The following ME3 variants were observed in gnomAD, a reference collection of about 807,000 sequenced individuals.
The protein encoded by ME3 is NADP-dependent malic enzyme, mitochondrial.
A neutral mutation model predicts 68.9 loss-of-function variants in ME3; 48 were observed. That is an observed-to-expected ratio of 0.70 (90% CI 0.55 to 0.89). ME3 has a LOEUF of 0.89. Among genes scored for constraint, ME3 ranks in the 40% least tolerant of loss-of-function variants. ME3 has a pLI of 0.00. For synonymous variants in ME3, 320 were observed against 318.8 expected, an observed-to-expected ratio of 1.00 and a Z score of -0.04; for missense variants, 675 against 797.4, an observed-to-expected ratio of 0.85 and a Z score of 1.85.
chr11:86,441,516 G>C (rs1948996004), intron 14 of ME3, 76 bp from the exon 15 acceptor site: 1 of 1,409,810 alleles, frequency 7.1e-7, no homozygotes. Context: ...TGGGAGCATG[G>C]GGGAGGGGAA....
chr11:86,643,579 T>A (rs1220142704), intron 2 of ME3, among the ~76,000 whole-genome samples: 3 of 152,162 alleles, frequency 2.0e-5, no homozygotes, highest in Non-Finnish European at 4.4e-5. Flanking sequence ...TAATTTAAGA[T>A]CAAAGGCCAG....
At chr11:86,575,993 G>C (rs1958083651) in intron 2 of ME3, among the ~76,000 whole-genome samples, 1 of 152,164 alleles carries the variant, frequency 6.6e-6, no homozygotes, top group South Asian at 2.1e-4. Flanking sequence ...TTCTAGTTTT[G>C]TGATGTTGAG....
rs368499667 is a variant in ME3, at chr11:86,487,318, G to T, written c.809+19C>A. On this transcript the variant is annotated intron_variant, in intron 7 of 14. Transcript: ENST00000543262. ...CTCTTAAAAGTCCTCTTTCAAAAGGGACAGACTGGTCCACTTACTTGTCTG... is the reference window on the plus strand; with the variant it reads ...CTCTTAAAAGTCCTCTTTCAAAAGGTACAGACTGGTCCACTTACTTGTCTG... The T allele has an allele frequency of 2.7e-5, 44 of 1,603,006 alleles. No individual in the cohort carries two copies. In the African/African-American group the frequency reaches 5.4e-4, roughly 20 times the overall value.
At chr11:86,621,759 T>TAATTAC (rs1379582063) in intron 2 of ME3, among the ~76,000 whole-genome samples, 5 of 151,992 alleles carry the variant, frequency 3.3e-5, no homozygotes, top group Non-Finnish European at 5.9e-5. Context: ...ATTCAAATCA[T>TAATTAC]AATTACAATC....
intron 2 of ME3, among the ~76,000 whole-genome samples, chr11:86,576,390 G>A (rs1037060478): frequency 6.6e-6 from 1 of 152,166 alleles, no homozygotes; most frequent in Non-Finnish European, 1.5e-5. Context: ...GGAGGTCAAG[G>A]TGGAGAGAGG....
chr11:86,529,277 G>A (rs902029219), intron 4 of ME3, among the ~76,000 whole-genome samples: 6 of 152,104 alleles, frequency 3.9e-5, no homozygotes, highest in Admixed American at 1.3e-4. Context: ...TAAATTCCTC[G>A]ACACATACAC....
chr11:86,440,800 C>A (rs1398692317), downstream of ME3, among the ~76,000 whole-genome samples: 2 of 152,136 alleles, frequency 1.3e-5, no homozygotes, highest in Non-Finnish European at 2.9e-5. Context: ...CCATCTTTTC[C>A]TCTTGGGACT....
intron 2 of ME3, among the ~76,000 whole-genome samples, chr11:86,633,499 A>T (rs1388191523): frequency 6.6e-6 from 1 of 152,256 alleles, no homozygotes; most frequent in East Asian, 1.9e-4. Context: ...GCACATTAAA[A>T]TAGCTGGAAA....
In ME3 at chr11:86,637,639, G is replaced by A. The variant is rs930829404; in HGVS notation, c.183+34123C>T. Among the ~76,000 whole-genome samples, 22 of 152,278 alleles carry A rather than the reference G, an allele frequency of 1.4e-4. No individual in the cohort carries two copies. The East Asian group carries it at 2.1e-3, about 15-fold the overall frequency. ...ATGAGGCTCGATTGAGACACCCCTC[G>A]AGAAGGGCCTTGTGCGTTGTGCTAA... is the stretch of plus-strand genomic sequence containing the variant. On this transcript the variant is annotated intron_variant, in intron 2 of 14. Coordinates refer to ENST00000543262, the Ensembl canonical transcript of ME3.
intron 2 of ME3, among the ~76,000 whole-genome samples, chr11:86,661,956 AC>A (rs1158466610): frequency 2.0e-5 from 3 of 152,196 alleles, no homozygotes; most frequent in African/African-American, 7.2e-5. Flanking sequence ...AATTAAACAA[AC>A]AAATGAGTCT....
At chr11:86,613,645 A>T (rs1942753200) in intron 2 of ME3, among the ~76,000 whole-genome samples, 1 of 152,206 alleles carries the variant, frequency 6.6e-6, no homozygotes, top group African/African-American at 2.4e-5. Context: ...ATCAATGTGC[A>T]AAAATCACAA....
intron 4 of ME3, among the ~76,000 whole-genome samples, chr11:86,528,334 A>G (rs1954928479): frequency 6.6e-6 from 1 of 152,246 alleles, no homozygotes; most frequent in African/African-American, 2.4e-5. Context: ...CACTGAATAC[A>G]GGAGCACCCA....
intron 5 of ME3, among the ~76,000 whole-genome samples, chr11:86,506,527 C>A (rs556207282): frequency 6.6e-6 from 1 of 152,194 alleles, no homozygotes; most frequent in Non-Finnish European, 1.5e-5. Flanking sequence ...ATCCCCTCAC[C>A]AAGCCCCTGT....
At chr11:86,555,687 C>A (rs984998841) in intron 4 of ME3, among the ~76,000 whole-genome samples, 5 of 152,154 alleles carry the variant, frequency 3.3e-5, no homozygotes, top group Non-Finnish European at 5.9e-5. Context: ...GAAATGCTGG[C>A]TACAAAACTA....
At chr11:86,454,261 C>T (rs1949795624) in intron 8 of ME3, among the ~76,000 whole-genome samples, 1 of 152,178 alleles carries the variant, frequency 6.6e-6, no homozygotes. Context: ...CCATCTAGAG[C>T]AAAGGCATAA....
intron 5 of ME3, among the ~76,000 whole-genome samples, chr11:86,503,784 C>A (rs897951683): frequency 1.3e-5 from 2 of 152,176 alleles, no homozygotes; most frequent in African/African-American, 4.8e-5. Flanking sequence ...GAGGAGGGTC[C>A]CTTGGCTCTC....
chr11:86,585,697 A>G (rs1958692127), intron 2 of ME3, among the ~76,000 whole-genome samples: 1 of 152,186 alleles, frequency 6.6e-6, no homozygotes, highest in Non-Finnish European at 1.5e-5. Flanking sequence ...TTAAGTTGAA[A>G]ATGATGAGCA....
At chr11:86,533,158 T>A (rs1161521892) in intron 4 of ME3, among the ~76,000 whole-genome samples, 1 of 151,026 alleles carries the variant, frequency 6.6e-6, no homozygotes. Context: ...ATAACAAAGA[T>A]AAGAACAGAA....
intron 2 of ME3, among the ~76,000 whole-genome samples, chr11:86,663,323 A>C (rs780426366): frequency 5.3e-5 from 8 of 152,136 alleles, no homozygotes; most frequent in Non-Finnish European, 8.8e-5. Flanking sequence ...TGACAGGTGC[A>C]TTTTACTCTT....
Sources: allele counts gnomAD v4.1 joint callset (sites outside exome capture counted in the v4.1 genomes callset), GRCh38; gene constraint gnomAD v4.1.1; transcripts MANE v1.5; gene names NCBI Gene and HGNC (gene_info 2026-07-23, HGNC 2026-07-21).